Variants in JAKMIP3 observed in about 807,000 individuals in gnomAD.
JAKMIP3 encodes janus kinase and microtubule-interacting protein 3.
Under a neutral mutation model 118.5 loss-of-function variants are expected in JAKMIP3, and 58 were observed. The observed-to-expected ratio is 0.49, with a 90% CI of 0.40 to 0.61. The LOEUF (loss-of-function observed/expected upper bound fraction) is 0.61, where lower values mean the gene tolerates loss of function less well. JAKMIP3 is among the 20% of genes least tolerant of loss of function. JAKMIP3 has a pLI of 0.00. For synonymous variants in JAKMIP3, 486 were observed against 451.2 expected (o/e 1.08, Z -0.98); for missense variants, 950 against 1,109.0 (o/e 0.86, Z 2.04).
Position 132,164,079 on chromosome 10 carries a change from A to G in JAKMIP3, c.2425-591A>G, listed in dbSNP as rs533950627. Among the ~76,000 whole-genome samples the G allele has an allele frequency of 5.3e-5, 8 of 152,360 alleles. No individual in the cohort carries two copies. The East Asian group carries it at 1.5e-3, about 29-fold the overall frequency. ...AACACCACTAGCGAAGGCTTAGTTG[A>G]AATTCACATAAACAAGTGTGCTGTG... is the stretch of plus-strand genomic sequence containing the variant. On this transcript the variant is annotated intron_variant, in intron 20 of 23. Transcript: ENST00000684848.
intron 23 of JAKMIP3, among the ~76,000 whole-genome samples, chr10:132,171,654 T>TC (rs199847789): frequency 0.029 from 2,785 of 96,378 alleles, 94 homozygotes; most frequent in African/African-American, 0.12. Flanking sequence ...TTTTCTTTCT[T>TC]TTTTTTTTTT....
chr10:132,039,841 G>A (rs910769916), intron 1 of JAKMIP3, among the ~76,000 whole-genome samples: 1 of 152,236 alleles, frequency 6.6e-6, no homozygotes, highest in Non-Finnish European at 1.5e-5. Flanking sequence ...CACGCCTCAC[G>A]TGCTGGGGCG....
chr10:132,169,428 G>A lies in JAKMIP3; in HGVS notation c.*1103+395G>A, dbSNP rs534027392. On this transcript the variant is annotated intron_variant, in intron 23 of 23. Transcript: ENST00000684848. ...TGGACGCCGCCCCACACTCGGCCCCGGCACCTGAGGTGTCCGCTCTGGGGA... is the reference window on the plus strand; with the variant it reads ...TGGACGCCGCCCCACACTCGGCCCCAGCACCTGAGGTGTCCGCTCTGGGGA... 2.6e-3 allele frequency among the ~76,000 whole-genome samples: 401 copies of A among 152,302 alleles called. 1 individual carries two copies. The highest frequency in any genetic ancestry group is 9.2e-3 in the African/African-American group (384 of 41,574).
At chr10:132,066,385 G>A (rs1480463522) in intron 1 of JAKMIP3, among the ~76,000 whole-genome samples, 1 of 152,230 alleles carries the variant, frequency 6.6e-6, no homozygotes, top group Admixed American at 6.5e-5. Flanking sequence ...CACGGCAGCC[G>A]TGGTGGGGTG....
In JAKMIP3 at chr10:132,158,945, G is replaced by T. The variant is rs71512279; in HGVS notation, c.2221-4264G>T. ...GCATCTTCCTTTGTGATGCTGGGGG[G>T]GGGGACCTCTCGCTGTGTGATGCTG... On this transcript the variant is annotated intron_variant, in intron 19 of 23. Coordinates refer to ENST00000684848, the MANE Select transcript of JAKMIP3 (RefSeq NM_001323087.2). Among the ~76,000 whole-genome samples, 358 of 48,858 alleles carry T rather than the reference G, an allele frequency of 7.3e-3. 122 individuals carry two copies. Among genetic ancestry groups the T allele is most frequent in the Admixed American group, 0.015 (49 of 3,276 alleles). 32.1% of individuals were successfully genotyped at this position (48,858 alleles called of 152,430 possible).
At chr10:132,180,790 T>TGTGTGTGTGCGTGTGTGTGTGTGTGCGC (rs1283527687) in intron 23 of JAKMIP3, among the ~76,000 whole-genome samples, 5 of 139,652 alleles carry the variant, frequency 3.6e-5, no homozygotes, top group African/African-American at 1.4e-4. Flanking sequence ...TGTGCGCGTA[T>TGTGTGTGTGCGTGTGTGTGTGTGTGCGC]GCATGTGCTG....
intron 21 of JAKMIP3, among the ~76,000 whole-genome samples, chr10:132,165,220 T>C (rs2058773023): frequency 6.6e-6 from 1 of 152,146 alleles, no homozygotes; most frequent in South Asian, 2.1e-4. Context: ...GTCTGGCTCT[T>C]TCTCGGGGTC....
chr10:132,154,997 T>TAA (rs2056871274), intron 19 of JAKMIP3, among the ~76,000 whole-genome samples: 1 of 7,816 alleles, frequency 1.3e-4, no homozygotes, highest in African/African-American at 4.6e-4. Context: ...ATGATGGTGA[T>TAA]TATGATGATG....
At chr10:132,129,748 T>C (rs2050224952) in intron 3 of JAKMIP3, among the ~76,000 whole-genome samples, 1 of 152,102 alleles carries the variant, frequency 6.6e-6, no homozygotes, top group South Asian at 2.1e-4. Context: ...ACTGCTTTCC[T>C]TTTCTCCTTC....
At chr10:132,140,337 T>A in intron 9 of JAKMIP3, 114 bp from the exon 10 acceptor site, 2 of 1,381,286 alleles carry the variant, frequency 1.4e-6, no homozygotes, top group Middle Eastern at 2.1e-4. Flanking sequence ...GAGATGGGAG[T>A]GTGTCGCAGG....
chr10:132,066,984 T>C (rs1358873513), intron 1 of JAKMIP3, among the ~76,000 whole-genome samples: 2 of 152,126 alleles, frequency 1.3e-5, no homozygotes, highest in African/African-American at 4.8e-5. Context: ...CAAAACGGTT[T>C]TCTCATTCCA....
upstream of JAKMIP3, among the ~76,000 whole-genome samples, chr10:132,060,273 A>G (rs554595364): frequency 1.4e-4 from 21 of 152,206 alleles, 2 homozygotes; most frequent in South Asian, 4.2e-3. Flanking sequence ...TGTGACTGCA[A>G]ACTGCCCGGC....
upstream of JAKMIP3, among the ~76,000 whole-genome samples, chr10:132,061,978 G>A (rs1404512882): frequency 1.3e-5 from 2 of 152,132 alleles, no homozygotes; most frequent in Admixed American, 6.6e-5. Context: ...CACCAACACC[G>A]GACTCCTATC....
chr10:132,110,957 T>G (rs189055945), intron 2 of JAKMIP3, among the ~76,000 whole-genome samples: 1 of 152,372 alleles, frequency 6.6e-6, no homozygotes, highest in East Asian at 1.9e-4. Context: ...GCTCCAGCTC[T>G]GGTCTGGGCA....
intron 1 of JAKMIP3, among the ~76,000 whole-genome samples, chr10:132,072,326 C>T (rs938417005): frequency 2.0e-5 from 3 of 152,048 alleles, no homozygotes; most frequent in Admixed American, 6.5e-5. Flanking sequence ...GGGAGGATCA[C>T]TTGAGCTCAG....
intron 9 of JAKMIP3, among the ~76,000 whole-genome samples, chr10:132,139,209 T>TTTGTGA (rs1554946284): frequency 6.8e-6 from 1 of 148,100 alleles, no homozygotes; most frequent in Admixed American, 6.8e-5. Context: ...AGTGTGTGTG[T>TTTGTGA]GTATGTGTGT....
At position 132,139,240 on chromosome 10, in the gene JAKMIP3, CTGTGTGTGTATG is replaced by C. The variant is rs1299806225; in HGVS notation, c.1344+1072_1344+1083del. 5.1e-4 allele frequency among the ~76,000 whole-genome samples: 43 copies of C among 84,908 alleles called. 1 individual carries two copies. Among genetic ancestry groups the C allele is most frequent in the African/African-American group, 1.2e-3 (29 of 23,298 alleles). 55.7% of individuals were successfully genotyped at this position (84,908 alleles called of 152,430 possible). A position where few individuals can be genotyped will look rare whatever the true frequency, so the allele number is the denominator to read the frequency against. On this transcript the variant is annotated intron_variant, in intron 9 of 23. Transcript: ENST00000684848. The stretch of plus-strand genomic sequence containing the variant: ...TGTGTACATGTGAGTGTATATGCAT[CTGTGTGTGTATG>C]TGTGTGTGTGTATGTGTGTACATGT...
At chr10:132,143,166 A>G (rs1285717251) in intron 11 of JAKMIP3, among the ~76,000 whole-genome samples, 26 of 148,878 alleles carry the variant, frequency 1.7e-4, no homozygotes, top group African/African-American at 6.6e-4. Context: ...CTGGCCTTGG[A>G]GGGGGCGTCC....
At chr10:132,115,278 T>C (rs1033105093) in intron 2 of JAKMIP3, among the ~76,000 whole-genome samples, 1 of 119,446 alleles carries the variant, frequency 8.4e-6, no homozygotes. Context: ...CGATCGCGGC[T>C]AGGGGTCACC....
Sources: gnomAD v4.1 joint callset for allele counts (sites outside exome capture counted in the v4.1 genomes callset) on GRCh38, gnomAD v4.1.1 for gene constraint, MANE v1.5 for transcripts, NCBI Gene and HGNC (gene_info 2026-07-23, HGNC 2026-07-21) for gene names.